The following STXBP4 variants were observed in gnomAD, a reference collection of about 807,000 sequenced individuals.
The protein encoded by STXBP4 is syntaxin binding protein 4.
Under a neutral mutation model 76.1 loss-of-function variants are expected in STXBP4, and 55 were observed. The observed-to-expected ratio is 0.72, with a 90% confidence interval of 0.58 to 0.91. STXBP4 has a LOEUF of 0.91. Ranked by LOEUF, STXBP4 falls within the 40% of genes least tolerant of loss-of-function variation. The pLI is 0.00. For missense variants in STXBP4, 618 were observed against 636.9 expected (o/e 0.97, Z 0.32); for synonymous variants, 201 against 220.2 (o/e 0.91, Z 0.77).
At chr17:54,984,726 G>A (rs1403923620) in intron 1 of STXBP4, among the ~76,000 whole-genome samples, 1 of 152,070 alleles carries the variant, frequency 6.6e-6, no homozygotes, top group African/African-American at 2.4e-5. Flanking sequence ...TTGCTGATGT[G>A]CTGATATATT....
intron 1 of STXBP4, among the ~76,000 whole-genome samples, chr17:54,984,219 T>C (rs947885313): frequency 2.4e-4 from 37 of 152,106 alleles, no homozygotes; most frequent in Non-Finnish European, 1.0e-4. Flanking sequence ...CTGCATACAG[T>C]GGTTGAAGAA....
chr17:55,209,073 C>G, the STXBP4 span, among the ~76,000 whole-genome samples: 1 of 152,074 alleles, frequency 6.6e-6, no homozygotes, highest in South Asian at 2.1e-4. Flanking sequence ...CAGAGCAAGA[C>G]TCCATCTCAA....
rs2077901362 is a variant in STXBP4, at chr17:55,000,868, G to T, written c.559G>T (p.Gly187Cys). 2 of 1,605,428 alleles carry T rather than the reference G, an allele frequency of 1.2e-6. No individual in the cohort carries two copies. The highest frequency in any genetic ancestry group is 1.7e-6 in the Non-Finnish European group (2 of 1,173,116). ...IPITSENSTV[G>C]LSNTDVASAW... ...AATTACTTCAGAAAACAGTACTGTG[G>T]GTTTGTCTAATACAGGTAAATACAC... The change falls in exon 7 of 18, where the codon GGT becomes TGT. Residue 187 changes from glycine to cysteine, a missense_variant. Physicochemically the swap from Gly to Cys is radical, Grantham distance 159 (BLOSUM62 -3). Coordinates refer to ENST00000376352, the MANE Select transcript of STXBP4 (RefSeq NM_178509.6).
intron 16 of STXBP4, among the ~76,000 whole-genome samples, chr17:55,106,113 G>T (rs569252778): frequency 6.6e-6 from 1 of 152,226 alleles, no homozygotes; most frequent in East Asian, 1.9e-4. Context: ...AGGTCTCTAA[G>T]AACTTGCTTT....
chr17:55,195,367 T>A, the STXBP4 span, among the ~76,000 whole-genome samples: 1 of 152,232 alleles, frequency 6.6e-6, no homozygotes, highest in Non-Finnish European at 1.5e-5. Flanking sequence ...TTGTTTCCCT[T>A]TTATATAAGC....
the STXBP4 span, among the ~76,000 whole-genome samples, chr17:55,195,227 G>A: frequency 6.6e-6 from 1 of 152,126 alleles, no homozygotes; most frequent in Non-Finnish European, 1.5e-5. Context: ...ACGCCTAGAT[G>A]GGACTGGGGA....
intron 1 of STXBP4, among the ~76,000 whole-genome samples, chr17:54,983,975 T>C (rs1004539377): frequency 1.3e-4 from 20 of 152,320 alleles, no homozygotes; most frequent in Non-Finnish European, 8.8e-5. Context: ...TCTTACTTCA[T>C]GGTCATTGGA....
In STXBP4 at chr17:55,165,060, T is replaced by G. The variant is rs955229616; in HGVS notation, c.*5149T>G. On this transcript the variant is annotated 3_prime_UTR_variant, in exon 18 of 18. Transcript: ENST00000376352. ...CTTTCTCCGCATTCTTTATCAGATA[T>G]TTGAACTACTGGACCATTTAATGTT... The G allele has an allele frequency of 3.9e-5, 6 of 152,226 alleles. No homozygotes were observed. The highest frequency in any genetic ancestry group is 1.3e-4 in the Admixed American group (2 of 15,288). 9.4% of individuals were successfully genotyped at this position (152,226 alleles called of 1,614,324 possible).
Position 55,098,331 on chromosome 17 carries a change from A to G in STXBP4, c.1489+17148A>G, listed in dbSNP as rs532419699. Among the ~76,000 whole-genome samples the G allele has an allele frequency of 2.0e-4, 30 of 152,318 alleles. No individual in the cohort carries two copies. The South Asian group carries it at 4.1e-3, about 21-fold the overall frequency. ...ATGGATATAAAGATTGAAATAATAA[A>G]GAAGTTTATGTCTAACTAGCAGCCT... On this transcript the variant is annotated intron_variant, in intron 16 of 17. Coordinates refer to ENST00000376352, the MANE Select transcript of STXBP4 (RefSeq NM_178509.6).
At chr17:55,105,451 C>A (rs1158399575) in intron 16 of STXBP4, among the ~76,000 whole-genome samples, 1 of 150,566 alleles carries the variant, frequency 6.6e-6, no homozygotes, top group Non-Finnish European at 1.5e-5. Flanking sequence ...ATTTCTTAAT[C>A]CTGAGTTCTT....
At chr17:55,050,079 A>G (rs1246609608) in intron 12 of STXBP4, among the ~76,000 whole-genome samples, 4 of 152,122 alleles carry the variant, frequency 2.6e-5, no homozygotes, top group Non-Finnish European at 5.9e-5. Context: ...AAAAGCAATT[A>G]GAGGCATATG....
the STXBP4 span, among the ~76,000 whole-genome samples, chr17:55,197,216 T>A: frequency 2.6e-5 from 4 of 152,238 alleles, no homozygotes; most frequent in African/African-American, 9.6e-5. Flanking sequence ...GCAGACAAGA[T>A]GGAGAACTGT....
At chr17:55,021,168 T>C (rs2078303709) in intron 8 of STXBP4, among the ~76,000 whole-genome samples, 1 of 152,130 alleles carries the variant, frequency 6.6e-6, no homozygotes, top group African/African-American at 2.4e-5. Flanking sequence ...TTAATCCTCC[T>C]CCCTGCATTA....
chr17:55,091,786 A>G (rs780331220), intron 16 of STXBP4, among the ~76,000 whole-genome samples: 3 of 152,070 alleles, frequency 2.0e-5, no homozygotes, highest in Non-Finnish European at 4.4e-5. Flanking sequence ...CAGAATAGTG[A>G]CACCTTTACT....
At position 55,168,585 on chromosome 17, in the gene STXBP4, A is replaced by G. The variant is rs2080390081; in HGVS notation, c.*8674A>G. The G allele has an allele frequency of 6.6e-6, 1 of 152,220 alleles. No homozygotes were observed. Among genetic ancestry groups the G allele is most frequent in the Non-Finnish European group, 1.5e-5 (1 of 68,024 alleles). 9.4% of individuals were successfully genotyped at this position (152,220 alleles called of 1,614,324 possible). A position where few individuals can be genotyped will look rare whatever the true frequency, so the allele number is the denominator to read the frequency against. On this transcript the variant is annotated 3_prime_UTR_variant, in exon 18 of 18. Transcript: ENST00000376352. ...TCTTATACGCCTTTAAGTAAATACA[A>G]GAGAACTGTTTCAGCATAGATTTTT...
chr17:55,068,646 A>G (rs2079082638), intron 12 of STXBP4, among the ~76,000 whole-genome samples: 1 of 152,184 alleles, frequency 6.6e-6, no homozygotes, highest in African/African-American at 2.4e-5. Flanking sequence ...ACAGGTGATT[A>G]TGTATATTTT....
chr17:55,065,411 T>A (rs933697478), intron 12 of STXBP4, among the ~76,000 whole-genome samples: 1 of 152,160 alleles, frequency 6.6e-6, no homozygotes, highest in East Asian at 1.9e-4. Context: ...CTCTAAAGGT[T>A]AATGTGGAAG....
the STXBP4 span, among the ~76,000 whole-genome samples, chr17:55,212,554 G>A: frequency 5.3e-5 from 8 of 152,026 alleles, no homozygotes; most frequent in Admixed American, 1.3e-4. Context: ...CAATTTATTC[G>A]CATTCTCTTT....
At chr17:54,987,752 G>C (rs879440756) in intron 3 of STXBP4, among the ~76,000 whole-genome samples, 2 of 152,118 alleles carry the variant, frequency 1.3e-5, no homozygotes, top group African/African-American at 2.4e-5. Flanking sequence ...GGATCAGAGG[G>C]TCTTTTTTTG....
Sources: allele counts gnomAD v4.1 joint callset (sites outside exome capture counted in the v4.1 genomes callset), GRCh38; gene constraint gnomAD v4.1.1; transcripts MANE v1.5; gene names NCBI Gene and HGNC (gene_info 2026-07-23, HGNC 2026-07-21).